The following STAP2 variants were observed in gnomAD, a reference collection of about 807,000 sequenced individuals.
STAP2 encodes signal transducing adaptor family member 2.
A neutral mutation model predicts 52.7 loss-of-function variants in STAP2; 58 were observed. The observed-to-expected ratio is 1.10, with a 90% CI of 0.89 to 1.37. The LOEUF is 1.37. Ranked by LOEUF, STAP2 falls within the 40% of genes most tolerant of loss-of-function variation. STAP2 has a pLI of 0.00. For missense variants in STAP2, 522 were observed against 519.4 expected, an observed-to-expected ratio of 1.00 and a Z score of -0.05; for synonymous variants, 231 against 210.5, an observed-to-expected ratio of 1.10 and a Z score of -0.84.
intron 5 of STAP2, 96 bp from the exon 6 acceptor site, chr19:4,328,905 A>G (rs1244556058): frequency 6.7e-7 from 1 of 1,485,394 alleles, no homozygotes; most frequent in South Asian, 1.3e-5. Context: ...CCCCATCCCC[A>G]TCCCCTAGGC....
intron 10 of STAP2, 25 bp downstream of exon 10, chr19:4,325,371 C>T: frequency 6.2e-7 from 1 of 1,614,224 alleles, no homozygotes; most frequent in South Asian, 1.1e-5. Context: ...ACCCCCAGCT[C>T]TCAGCAGCTC....
chr19:4,324,394 T>A, intron 12 of STAP2, 61 bp downstream of exon 12: 1 of 1,452,914 alleles, frequency 6.9e-7, no homozygotes. Flanking sequence ...TGGGGACTTG[T>A]GTGACTGTAC....
chr19:4,338,808 G>T lies in STAP2; in HGVS notation c.-55C>A. Reference sequence around the variant, plus strand: ...TCCTTCCAGTGGGTGCCCCAGCTGGGCCGGGAAGCTGAGAAACAGGTTTCA... The same window carrying T: ...TCCTTCCAGTGGGTGCCCCAGCTGGTCCGGGAAGCTGAGAAACAGGTTTCA... On this transcript the variant is annotated 5_prime_UTR_variant, in exon 1 of 13. Coordinates refer to ENST00000594605, the MANE Select transcript of STAP2 (RefSeq NM_001013841.2). 1 of 1,572,150 alleles carries T rather than the reference G, an allele frequency of 6.4e-7. No homozygotes were observed. The highest frequency in any genetic ancestry group is 8.7e-7 in the Non-Finnish European group (1 of 1,155,096).
chr19:4,330,318 C>T (rs1047632366), intron 4 of STAP2, among the ~76,000 whole-genome samples: 10 of 151,818 alleles, frequency 6.6e-5, no homozygotes, highest in Non-Finnish European at 1.0e-4. Flanking sequence ...GTCAGGAGTT[C>T]GAGACCAACC....
intron 5 of STAP2, among the ~76,000 whole-genome samples, chr19:4,329,172 T>C (rs147394951): frequency 0.073 from 10,995 of 151,216 alleles, 610 homozygotes; most frequent in African/African-American, 0.16. Context: ...TCCATGTTGG[T>C]CAGGCTGGTC....
intron 6 of STAP2, among the ~76,000 whole-genome samples, chr19:4,328,438 A>G (rs1906040666): frequency 1.8e-5 from 1 of 56,834 alleles, no homozygotes; most frequent in East Asian, 1.0e-3. Flanking sequence ...CTCCTCCCCC[A>G]ATCCGCCCAG....
chr19:4,325,612 G>T, intron 9 of STAP2, 67 bp from the exon 10 acceptor site: 1 of 1,500,484 alleles, frequency 6.7e-7, no homozygotes, highest in African/African-American at 1.4e-5. Flanking sequence ...GTTGGCGGGG[G>T]GGTCTGTGTG....
chr19:4,325,136 CAAA>C (rs5826839), intron 11 of STAP2, 77 bp downstream of exon 11: 14,386 of 1,078,420 alleles, frequency 0.013, 4 homozygotes, highest in East Asian at 0.05. Context: ...GAGACTGTCT[CAAA>C]AAAAAAAAAA....
At chr19:4,333,082 C>G (rs62129309) in intron 3 of STAP2, among the ~76,000 whole-genome samples, 10 of 150,434 alleles carry the variant, frequency 6.6e-5, no homozygotes, top group African/African-American at 2.5e-4. Flanking sequence ...CCCAGCTACT[C>G]GGGAGGCTGA....
chr19:4,333,337 A>T (rs909798769), intron 3 of STAP2, among the ~76,000 whole-genome samples: 1 of 151,586 alleles, frequency 6.6e-6, no homozygotes, highest in African/African-American at 2.4e-5. Flanking sequence ...TCTACTAAAG[A>T]TTCAAAAAAT....
chr19:4,334,348 TTAAC>T (rs1971939787), intron 1 of STAP2, among the ~76,000 whole-genome samples: 1 of 152,088 alleles, frequency 6.6e-6, no homozygotes. Flanking sequence ...TAGGGGTAAG[TTAAC>T]TAACTGGTTT....
intron 1 of STAP2, among the ~76,000 whole-genome samples, chr19:4,335,218 CTCCATCATCCATCCACCTACTCATCCA>C (rs1166073468): frequency 6.7e-6 from 1 of 149,774 alleles, no homozygotes; most frequent in African/African-American, 2.5e-5. Context: ...CCACTCATCC[CTCCATCATCCATCCACCTACTCATCCA>C]TCCATCATCC....
chr19:4,324,705 G>A, intron 11 of STAP2, 176 bp from the exon 12 acceptor site: 2 of 590,612 alleles, frequency 3.4e-6, no homozygotes, highest in Non-Finnish European at 5.9e-6. Flanking sequence ...GGTGGCAGGT[G>A]CCTGTAATCC....
At chr19:4,325,008 G>T (rs185088210) in intron 11 of STAP2, 23,255 of 543,476 alleles carry the variant, frequency 0.043, 701 homozygotes, top group Middle Eastern at 0.12. Context: ...GCATGGTGGC[G>T]GGCACCTGTA....
Position 4,327,130 on chromosome 19 carries a change from CCTT to C in STAP2, c.754_756del (p.Lys252del), listed in dbSNP as rs746914373. The C allele has an allele frequency of 9.3e-6, 15 of 1,614,090 alleles. No homozygotes were observed. The highest frequency in any genetic ancestry group is 2.2e-5 in the East Asian group (1 of 44,896). On this transcript the variant is annotated inframe_deletion, in exon 8 of 13. Coordinates refer to ENST00000594605, the MANE Select transcript of STAP2 (RefSeq NM_001013841.2). ...TCCCCGAAGGGGCACCCACCTAGCA[CCTT>C]CTCGTAGTCCTCGTCTAACAGGAAT...
At chr19:4,333,543 C>G in intron 3 of STAP2, 151 bp downstream of exon 3, 1 of 937,250 alleles carries the variant, frequency 1.1e-6, no homozygotes, top group Non-Finnish European at 1.5e-6. Context: ...CCATAGCACC[C>G]AGCTCCTTTG....
At position 4,333,738 on chromosome 19, in the gene STAP2, T is replaced by C. The variant is rs1165803591; in HGVS notation, c.253A>G (p.Thr85Ala). The change falls in exon 3 of 13, where the codon ACC (threonine) becomes GCC (alanine). Residue 85 changes from threonine (T) to alanine (A), a missense_variant. Transcript: ENST00000594605. ...IPWGSSRDPG[T>A]HFSLILRDQE... ...TCCCGGAGAATCAGGCTGAAGTGGG[T>C]GCCAGGGTCACGTGAGCTTCCCCAG... The C allele has an allele frequency of 6.2e-7, 1 of 1,613,240 alleles. No homozygotes were observed. Among genetic ancestry groups the C allele is most frequent in the Non-Finnish European group, 8.5e-7 (1 of 1,179,978 alleles).
chr19:4,328,181 T>TA (rs1487917340), intron 6 of STAP2: 1 of 216,434 alleles, frequency 4.6e-6, no homozygotes, highest in Non-Finnish European at 9.4e-6. Context: ...ATTAACCCCA[T>TA]ACCTGGGGCA....
At chr19:4,328,634 ACCCTCCT>A in intron 6 of STAP2, 34 bp downstream of exon 6, 1 of 805,658 alleles carries the variant, frequency 1.2e-6, no homozygotes, top group Non-Finnish European at 1.8e-6. Context: ...CCCTCTTCCC[ACCCTCCT>A]CCCACCCAGG....
Sources: gnomAD v4.1 joint callset for allele counts (sites outside exome capture counted in the v4.1 genomes callset) on GRCh38, gnomAD v4.1.1 for gene constraint, MANE v1.5 for transcripts, NCBI Gene and HGNC (gene_info 2026-07-23, HGNC 2026-07-21) for gene names.